The following NBEA variants were observed in gnomAD, a reference collection of about 807,000 sequenced individuals.
The protein encoded by NBEA is lysosomal-trafficking regulator 2.
In NBEA, 44 loss-of-function variants were observed where a neutral mutation model predicts 343.4. The observed-to-expected ratio is 0.13, with a 90% CI of 0.10 to 0.16. The LOEUF is 0.16. Ranked by LOEUF, NBEA falls within the 10% of genes least tolerant of loss-of-function variation. The pLI is 1.00. For synonymous variants in NBEA, 1,175 were observed against 1,238.7 expected (o/e 0.95, Z 1.08); for missense variants, 2,555 against 3,631.3 (o/e 0.70, Z 7.62).
chr13:35,620,026 G>A (rs2082911115), intron 48 of NBEA, among the ~76,000 whole-genome samples: 1 of 152,126 alleles, frequency 6.6e-6, no homozygotes, highest in African/African-American at 2.4e-5. Context: ...GCAACTCAGT[G>A]AGTGGCTTCA....
intron 44 of NBEA, among the ~76,000 whole-genome samples, chr13:35,562,597 A>ACAAG (rs1232603429): frequency 3.9e-5 from 6 of 152,032 alleles, no homozygotes; most frequent in African/African-American, 1.4e-4. Flanking sequence ...TCTGTGATGA[A>ACAAG]CAAGCCCTCC....
At chr13:35,081,294 T>G (rs1404676704) in intron 10 of NBEA, among the ~76,000 whole-genome samples, 2 of 152,154 alleles carry the variant, frequency 1.3e-5, no homozygotes, top group Non-Finnish European at 2.9e-5. Flanking sequence ...GCATTTTCTG[T>G]ATTTGTGGTG....
At chr13:35,429,070 G>A (rs1387735947) in intron 38 of NBEA, among the ~76,000 whole-genome samples, 1 of 152,182 alleles carries the variant, frequency 6.6e-6, no homozygotes, top group Non-Finnish European at 1.5e-5. Context: ...TGACTCTGCA[G>A]TAGGCTTACT....
At chr13:35,367,555 T>G (rs1594372164) in intron 38 of NBEA, among the ~76,000 whole-genome samples, 1 of 59,770 alleles carries the variant, frequency 1.7e-5, no homozygotes, top group East Asian at 3.2e-4. Flanking sequence ...GTTGTTGTTG[T>G]TTTTTTTTTT....
chr13:35,452,334 G>A lies in NBEA; in HGVS notation c.6448+99G>A, dbSNP rs1039761791. 4.8e-6 allele frequency: 4 copies of A among 831,932 alleles called. No homozygotes were observed. The East Asian group carries it at 1.1e-4, about 22-fold the overall frequency. The allele number at this position is 831,932 out of a possible 1,614,324, so 51.5% of individuals were successfully genotyped here. ...AGTAAATAAATGTGTGCCAATGGTTGTAACAATGCTCAATCACATGAATGT... is the reference window on the plus strand; with the variant it reads ...AGTAAATAAATGTGTGCCAATGGTTATAACAATGCTCAATCACATGAATGT... On this transcript the variant is annotated intron_variant, in intron 40 of 58. Coordinates refer to ENST00000379939, the MANE Select transcript of NBEA (RefSeq NM_001385012.1).
Position 35,583,900 on chromosome 13 carries a change from A to T in NBEA, c.7038A>T (p.Pro2346=), listed in dbSNP as rs1207394721. The change falls in exon 46 of 59, where the codon CCA becomes CCT. Residue 2346 remains proline, a splice_region_variant and synonymous_variant. Transcript: ENST00000379939. ...LPGNFRDLSK[P]IGALNPKRAV... ...AAATATTTTTTTTCTTTTAATAGCCAATTGGTGCTTTGAACCCCAAGAGAG... is the reference window on the plus strand; with the variant it reads ...AAATATTTTTTTTCTTTTAATAGCCTATTGGTGCTTTGAACCCCAAGAGAG... 1 of 1,607,786 alleles carries T rather than the reference A, an allele frequency of 6.2e-7. No homozygotes were observed. The highest frequency in any genetic ancestry group is 1.3e-5 in the African/African-American group (1 of 74,692).
intron 27 of NBEA, among the ~76,000 whole-genome samples, chr13:35,175,716 G>A (rs958370774): frequency 6.6e-6 from 1 of 152,096 alleles, no homozygotes. Context: ...GATCTGAGTG[G>A]TGTTTCTTTT....
At chr13:35,016,545 A>G (rs1347238263) in intron 1 of NBEA, among the ~76,000 whole-genome samples, 1 of 151,658 alleles carries the variant, frequency 6.6e-6, no homozygotes, top group Non-Finnish European at 1.5e-5. Context: ...AATGGAGTGC[A>G]GAGCTACAAT....
chr13:35,649,415 G>A (rs1011195668), intron 51 of NBEA, among the ~76,000 whole-genome samples: 1 of 152,174 alleles, frequency 6.6e-6, no homozygotes, highest in South Asian at 2.1e-4. Flanking sequence ...GGTCTTTAAT[G>A]ATTCTGTGTC....
In NBEA at chr13:35,048,750, T is replaced by C. The variant is rs1013926675; in HGVS notation, c.845+66T>C. 7 of 882,820 alleles carry C rather than the reference T, an allele frequency of 7.9e-6. No homozygotes were observed. The African/African-American group carries it at 1.2e-4, about 15-fold the overall frequency. 54.7% of individuals were successfully genotyped at this position (882,820 alleles called of 1,614,324 possible). A position where few individuals can be genotyped will look rare whatever the true frequency, so the allele number is the denominator to read the frequency against. ...ACTTGAATTCTATAAATGTATAGTC[T>C]CAAGGCAACTTAGATAGAATATATG... is the stretch of plus-strand genomic sequence containing the variant. On this transcript the variant is annotated intron_variant, in intron 5 of 58. Transcript: ENST00000379939.
chr13:35,221,574 A>AT (rs2074374024), intron 33 of NBEA, among the ~76,000 whole-genome samples: 1 of 152,140 alleles, frequency 6.6e-6, no homozygotes, highest in South Asian at 2.1e-4. Flanking sequence ...TATCTGAAAG[A>AT]TTATAAACAT....
At chr13:35,251,269 C>T (rs770808014) in intron 34 of NBEA, 62 of 454,286 alleles carry the variant, frequency 1.4e-4, no homozygotes, top group Non-Finnish European at 1.9e-4. Context: ...TGCCAGTCGT[C>T]GCTGGTAGCA....
At chr13:35,090,940 A>T (rs1005734886) in intron 10 of NBEA, among the ~76,000 whole-genome samples, 8 of 152,000 alleles carry the variant, frequency 5.3e-5, no homozygotes, top group Non-Finnish European at 1.2e-4. Flanking sequence ...TTGTCCCTTT[A>T]TTATCCCCTA....
intron 31 of NBEA, among the ~76,000 whole-genome samples, chr13:35,203,831 C>A (rs1264067588): frequency 6.6e-6 from 1 of 152,062 alleles, no homozygotes; most frequent in Non-Finnish European, 1.5e-5. Flanking sequence ...ACTTTTACAA[C>A]CTTGGAGTGT....
At chr13:35,099,908 A>G (rs1169004863) in intron 11 of NBEA, among the ~76,000 whole-genome samples, 1 of 152,088 alleles carries the variant, frequency 6.6e-6, no homozygotes, top group African/African-American at 2.4e-5. Context: ...TTTTTTTATA[A>G]CAAATACCTA....
At chr13:35,056,602 G>T (rs1294492088) in intron 7 of NBEA, among the ~76,000 whole-genome samples, 4 of 152,152 alleles carry the variant, frequency 2.6e-5, no homozygotes, top group Non-Finnish European at 5.9e-5. Flanking sequence ...GAGCAAGCAA[G>T]ATATGTGGGG....
intron 38 of NBEA, among the ~76,000 whole-genome samples, chr13:35,413,937 A>G (rs1039065835): frequency 6.6e-6 from 1 of 152,154 alleles, no homozygotes; most frequent in Admixed American, 6.6e-5. Flanking sequence ...CATACATGAG[A>G]TAATAAAAGT....
At chr13:35,353,463 C>A (rs2040313336) in intron 38 of NBEA, among the ~76,000 whole-genome samples, 1 of 151,850 alleles carries the variant, frequency 6.6e-6, no homozygotes, top group South Asian at 2.1e-4. Flanking sequence ...TAGAGAAAAA[C>A]ACCTAGAATA....
chr13:35,649,710 T>A lies in NBEA; in HGVS notation c.7826T>A (p.Ile2609Lys). 1 of 1,614,028 alleles carries A rather than the reference T, an allele frequency of 6.2e-7. No homozygotes were observed. Among genetic ancestry groups the A allele is most frequent in the Non-Finnish European group, 8.5e-7 (1 of 1,179,876 alleles). ...MFKDQMQQDV[I>K]MVLKFPSNSP... is the part of the protein sequence containing the mutation. ...AAAGATCAGATGCAACAGGATGTGA[T>A]AATGGTGCTGAAGTTTCCTTCAAAT... Residue 2609 changes from isoleucine (I) to lysine (K), a missense_variant, in exon 52 of 59, where the codon ATA becomes AAA. This residue lies in a region of NBEA where 61 missense variants were observed against 132.1 expected (regional missense o/e 0.46). Coordinates refer to ENST00000379939, the MANE Select transcript of NBEA (RefSeq NM_001385012.1).
Sources: allele counts gnomAD v4.1 joint callset (sites outside exome capture counted in the v4.1 genomes callset), GRCh38; gene constraint gnomAD v4.1.1; regional missense constraint gnomAD v4.1.1; transcripts MANE v1.5; gene names NCBI Gene and HGNC (gene_info 2026-07-23, HGNC 2026-07-21).